The following NHSL2 variants were observed in gnomAD, a reference collection of about 807,000 sequenced individuals.
NHSL2 encodes the protein NHS like 2.
Under a neutral mutation model 53.4 loss-of-function variants are expected in NHSL2, and 27 were observed. The ratio of observed to expected loss-of-function variants is 0.51; its 90% CI spans 0.37 to 0.70. The LOEUF (loss-of-function observed/expected upper bound fraction) is 0.70, where lower values mean the gene tolerates loss of function less well. NHSL2 is among the 30% of genes least tolerant of loss of function. The pLI is 0.00. For synonymous variants in NHSL2, 408 were observed against 404.1 expected, an observed-to-expected ratio of 1.01 and a Z score of -0.12; for missense variants, 892 against 980.1, an observed-to-expected ratio of 0.91 and a Z score of 1.20.
chrX:71,937,537 T>C (rs1175388298), intron 1 of NHSL2, among the ~76,000 whole-genome samples: 10 of 112,327 alleles, frequency 8.9e-5, no homozygotes, highest in African/African-American at 3.2e-4. Flanking sequence ...GTAATAATAT[T>C]AATATAACAA....
chrX:72,069,520 T>G, intron 1 of NHSL2: 1 of 314,495 alleles, frequency 3.2e-6, no homozygotes, highest in Non-Finnish European at 5.3e-6. Context: ...GGGGCACAAG[T>G]GGGATTTGGA....
intron 1 of NHSL2, among the ~76,000 whole-genome samples, chrX:72,053,585 A>G (rs992387683): frequency 8.9e-6 from 1 of 111,744 alleles, no homozygotes; most frequent in Non-Finnish European, 1.9e-5. Flanking sequence ...AGAATCGTAG[A>G]CTGGCAGAAC....
intron 1 of NHSL2, among the ~76,000 whole-genome samples, chrX:72,018,421 C>T (rs1229873933): frequency 8.9e-6 from 1 of 112,847 alleles, no homozygotes; most frequent in East Asian, 2.8e-4. Context: ...GAAAACTCAA[C>T]GCGACAAGTG....
At chrX:72,137,771 C>T (rs1449376919) in intron 5 of NHSL2, among the ~76,000 whole-genome samples, 1 of 111,817 alleles carries the variant, frequency 8.9e-6, no homozygotes, top group African/African-American at 3.3e-5. Flanking sequence ...CTACCATGTG[C>T]CTGGTACATA....
intron 1 of NHSL2, among the ~76,000 whole-genome samples, chrX:72,017,669 C>T (rs1184106963): frequency 8.9e-6 from 1 of 112,395 alleles, no homozygotes; most frequent in East Asian, 2.8e-4. Flanking sequence ...TGCGTTCTCC[C>T]CCTACAAGGT....
At chrX:72,055,615 T>A (rs925006948) in intron 1 of NHSL2, among the ~76,000 whole-genome samples, 1 of 112,157 alleles carries the variant, frequency 8.9e-6, no homozygotes, top group African/African-American at 3.2e-5. Flanking sequence ...GGGAGGAAGA[T>A]GAGGCAGAGA....
intron 1 of NHSL2, among the ~76,000 whole-genome samples, chrX:72,124,101 A>G (rs1442886711): frequency 1.8e-5 from 2 of 111,121 alleles, no homozygotes; most frequent in African/African-American, 6.6e-5. Context: ...GGCAGGATAC[A>G]GGAAGTGCTG....
intron 1 of NHSL2, among the ~76,000 whole-genome samples, chrX:72,023,710 C>T (rs2042171308): frequency 9.0e-6 from 1 of 111,712 alleles, no homozygotes. Context: ...AGCTTGGACT[C>T]AGGGACTGCA....
chrX:72,068,303 G>A (rs977681202), intron 1 of NHSL2, among the ~76,000 whole-genome samples: 3 of 112,293 alleles, frequency 2.7e-5, no homozygotes, highest in Non-Finnish European at 5.6e-5. Flanking sequence ...TTGCCCCAAA[G>A]TCAGAAAGCT....
chrX:72,152,185 A>G lies in NHSL2; in HGVS notation c.*8611A>G, dbSNP rs1257596329. 1 of 112,619 alleles carries G rather than the reference A, an allele frequency of 8.9e-6. No homozygotes were observed. The highest frequency in any genetic ancestry group is 2.8e-4 in the East Asian group (1 of 3,580). The allele number at this position is 112,619 out of a possible 1,213,427, so 9.3% of individuals were successfully genotyped here. On this transcript the variant is annotated 3_prime_UTR_variant, in exon 8 of 8. Coordinates refer to ENST00000633930, the MANE Select transcript of NHSL2 (RefSeq NM_001013627.3). ...CCATCCTGCTCCCATCTCCACCTCT[A>G]ATGCTTCTTGGGAGTCTGAAGCTCA...
At chrX:72,015,942 T>G (rs1411701137) in intron 1 of NHSL2, among the ~76,000 whole-genome samples, 1 of 112,484 alleles carries the variant, frequency 8.9e-6, no homozygotes, top group Non-Finnish European at 1.9e-5. Context: ...TCTTTTAACT[T>G]TATTGATGGT....
chrX:71,986,203 T>C (rs907199489), intron 1 of NHSL2, among the ~76,000 whole-genome samples: 1 of 111,937 alleles, frequency 8.9e-6, no homozygotes, highest in African/African-American at 3.2e-5. Flanking sequence ...ACTTTTGGAC[T>C]TTAGGCAACC....
chrX:71,960,019 A>G (rs1315950968), intron 1 of NHSL2, among the ~76,000 whole-genome samples: 6 of 112,044 alleles, frequency 5.4e-5, no homozygotes, highest in Non-Finnish European at 1.1e-4. Context: ...ATCCTCATCA[A>G]TACTTGTTCT....
chrX:72,056,312 G>C (rs2042368954), intron 1 of NHSL2, among the ~76,000 whole-genome samples: 1 of 111,930 alleles, frequency 8.9e-6, no homozygotes, highest in African/African-American at 3.3e-5. Context: ...GATGTAAAGA[G>C]AAAGGGAGAA....
At chrX:72,027,843 G>A (rs892262471) in intron 1 of NHSL2, 1 of 113,814 alleles carries the variant, frequency 8.8e-6, no homozygotes, top group Non-Finnish European at 1.8e-5. Context: ...GGTGGGCTTT[G>A]GTGACTCCAC....
chrX:72,019,721 C>G lies in NHSL2; in HGVS notation c.280+108354C>G, dbSNP rs771302741. ...TGATACAGGCAGAGAACAGCCTGTG[C>G]AAAAGCTAGGAGTCCTCAGAGTTCT... On this transcript the variant is annotated intron_variant, in intron 1 of 7. Transcript: ENST00000633930. 9.8e-5 allele frequency among the ~76,000 whole-genome samples: 11 copies of G among 111,990 alleles called. No individual in the cohort carries two copies. In the East Asian group the frequency reaches 2.8e-3, roughly 29 times the overall value.
chrX:72,078,398 T>C (rs1008430476), intron 1 of NHSL2, among the ~76,000 whole-genome samples: 1 of 112,474 alleles, frequency 8.9e-6, no homozygotes, highest in Admixed American at 9.4e-5. Flanking sequence ...GAAGTGAAGT[T>C]CAGCCTTCAG....
At chrX:72,118,885 CTA>C in intron 1 of NHSL2, among the ~76,000 whole-genome samples, 1 of 112,129 alleles carries the variant, frequency 8.9e-6, no homozygotes, top group South Asian at 3.7e-4. Flanking sequence ...GTGTTTCCTT[CTA>C]TGTTTTATAG....
chrX:72,137,551 C>T (rs2042368200), intron 5 of NHSL2, among the ~76,000 whole-genome samples: 1 of 111,615 alleles, frequency 9.0e-6, no homozygotes, highest in African/African-American at 3.3e-5. Context: ...TTAACAGAAC[C>T]ATTACTACCA....
Sources: allele counts gnomAD v4.1 joint callset (sites outside exome capture counted in the v4.1 genomes callset), GRCh38; gene constraint gnomAD v4.1.1; transcripts MANE v1.5; gene names NCBI Gene and HGNC (gene_info 2026-07-23, HGNC 2026-07-21).